PBX3: variants seen among roughly 807,000 people sequenced by gnomAD.
The protein encoded by PBX3 is PBX homeobox 3.
In PBX3, 14 loss-of-function variants were observed where a neutral mutation model predicts 48.5. That is an observed-to-expected ratio of 0.29 (90% CI 0.19 to 0.45). The LOEUF is 0.45. Among genes scored for constraint, PBX3 ranks in the 20% least tolerant of loss-of-function variants. The probability of loss-of-function intolerance (pLI) is 1.00; values close to 1 mark genes in which losing one functional copy is unlikely to be tolerated. For synonymous variants in PBX3, 210 were observed against 200.3 expected (o/e 1.05, Z -0.41); for missense variants, 386 against 546.7 (o/e 0.71, Z 2.93).
chr9:125,960,050 T>C (rs1158513057), intron 5 of PBX3, among the ~76,000 whole-genome samples: 1 of 152,238 alleles, frequency 6.6e-6, no homozygotes, highest in Non-Finnish European at 1.5e-5. Context: ...TTCCACCTGA[T>C]GACATTAGAG....
intron 2 of PBX3, among the ~76,000 whole-genome samples, chr9:125,875,482 T>G (rs1840226968): frequency 6.6e-6 from 1 of 152,182 alleles, no homozygotes; most frequent in Non-Finnish European, 1.5e-5. Flanking sequence ...GTATGTCTTT[T>G]GAAGGCTCAT....
intron 2 of PBX3, among the ~76,000 whole-genome samples, chr9:125,892,908 C>A (rs910809582): frequency 1.3e-5 from 2 of 152,156 alleles, no homozygotes; most frequent in Non-Finnish European, 2.9e-5. Flanking sequence ...TTTGGTTTGG[C>A]TTTAATGTCT....
chr9:125,770,841 T>G (rs764128055), intron 2 of PBX3, among the ~76,000 whole-genome samples: 1 of 152,228 alleles, frequency 6.6e-6, no homozygotes, highest in Non-Finnish European at 1.5e-5. Flanking sequence ...TCTTTCACAG[T>G]TGTGCCAAGA....
chr9:125,933,557 T>C (rs1169423232), intron 4 of PBX3, among the ~76,000 whole-genome samples: 1 of 152,198 alleles, frequency 6.6e-6, no homozygotes, highest in Non-Finnish European at 1.5e-5. Flanking sequence ...TATTCCCATC[T>C]ACCCTGGGCC....
chr9:125,958,884 CCT>C (rs1315502378), intron 5 of PBX3, among the ~76,000 whole-genome samples: 4 of 151,120 alleles, frequency 2.6e-5, no homozygotes, highest in Non-Finnish European at 3.0e-5. Flanking sequence ...TCACTGTCTT[CCT>C]CTCTCTCTCT....
chr9:125,748,206 C>G (rs1749550345), intron 1 of PBX3: 1 of 1,006,620 alleles, frequency 9.9e-7, no homozygotes, highest in African/African-American at 1.7e-5. Context: ...CTCCTCTGCA[C>G]AGGAGCGGAC....
At chr9:125,873,487 A>T (rs1184435174) in intron 2 of PBX3, among the ~76,000 whole-genome samples, 1 of 152,240 alleles carries the variant, frequency 6.6e-6, no homozygotes, top group Non-Finnish European at 1.5e-5. Context: ...AGCATGACAC[A>T]TACCATATTC....
At position 125,759,766 on chromosome 9, in the gene PBX3, C is replaced by T. The variant is rs533501267; in HGVS notation, c.274+11143C>T. On this transcript the variant is annotated intron_variant, in intron 2 of 8. Transcript: ENST00000373489. The surrounding 1 kb of genome is among the most constrained non-coding windows in gnomAD (Gnocchi z 4.2). ...GCAAATGAGCTTTTATGGCAACTGG[C>T]ATAACAATTAGCATCCTCCAGCAAT... is the stretch of plus-strand genomic sequence containing the variant. Among the ~76,000 whole-genome samples the T allele has an allele frequency of 2.2e-4, 34 of 152,324 alleles. No individual in the cohort carries two copies. Among genetic ancestry groups the T allele is most frequent in the Admixed American group, 1.8e-3 (28 of 15,302 alleles).
intron 2 of PBX3, among the ~76,000 whole-genome samples, chr9:125,793,930 A>G (rs1254537189): frequency 6.6e-6 from 1 of 152,216 alleles, no homozygotes; most frequent in Non-Finnish European, 1.5e-5. Context: ...CATTATGAAG[A>G]TTTAAAAACA....
At chr9:125,790,880 T>C (rs531736268) in intron 2 of PBX3, among the ~76,000 whole-genome samples, 1 of 152,116 alleles carries the variant, frequency 6.6e-6, no homozygotes, top group African/African-American at 2.4e-5. Context: ...TTTATAATTA[T>C]TACCACCATT....
chr9:125,865,956 C>T (rs1276926946), intron 2 of PBX3, among the ~76,000 whole-genome samples: 2 of 151,000 alleles, frequency 1.3e-5, no homozygotes. Context: ...CCCTGTTTTT[C>T]CCCCAATTTT....
At chr9:125,849,312 T>C (rs1389747538) in intron 2 of PBX3, among the ~76,000 whole-genome samples, 1 of 151,738 alleles carries the variant, frequency 6.6e-6, no homozygotes, top group Non-Finnish European at 1.5e-5. Context: ...CTATCCTTTA[T>C]GTAGCAGCAT....
At chr9:125,869,636 C>G (rs1465300515) in intron 2 of PBX3, among the ~76,000 whole-genome samples, 1 of 152,070 alleles carries the variant, frequency 6.6e-6, no homozygotes, top group Non-Finnish European at 1.5e-5. Flanking sequence ...GAATTATCAA[C>G]CTAGAATTGT....
intron 3 of PBX3, among the ~76,000 whole-genome samples, chr9:125,926,477 G>A (rs1230277171): frequency 6.6e-6 from 1 of 151,982 alleles, no homozygotes; most frequent in Non-Finnish European, 1.5e-5. Flanking sequence ...CCAAGATCAT[G>A]CCACTGCACT....
At chr9:125,929,250 A>C (rs1841659817) in intron 3 of PBX3, among the ~76,000 whole-genome samples, 1 of 152,226 alleles carries the variant, frequency 6.6e-6, no homozygotes, top group South Asian at 2.1e-4. Context: ...CACTGGCAAG[A>C]GTTTGAACTT....
intron 2 of PBX3, among the ~76,000 whole-genome samples, chr9:125,857,158 G>A (rs886134698): frequency 1.3e-5 from 2 of 152,110 alleles, no homozygotes; most frequent in Non-Finnish European, 2.9e-5. Flanking sequence ...GAAATATATC[G>A]TTGGCACTTA....
At chr9:125,893,207 A>G (rs1840692034) in intron 2 of PBX3, among the ~76,000 whole-genome samples, 1 of 152,226 alleles carries the variant, frequency 6.6e-6, no homozygotes, top group Non-Finnish European at 1.5e-5. Flanking sequence ...AGTGAGAAGC[A>G]AAGAACATTT....
chr9:125,795,294 GTTC>G (rs1235684143), intron 2 of PBX3, among the ~76,000 whole-genome samples: 1 of 152,176 alleles, frequency 6.6e-6, no homozygotes, highest in Non-Finnish European at 1.5e-5. Context: ...TATCCGTGCT[GTTC>G]TTCTGATTTG....
chr9:125,856,615 C>A (rs772387851), intron 2 of PBX3, among the ~76,000 whole-genome samples: 5 of 152,118 alleles, frequency 3.3e-5, no homozygotes, highest in East Asian at 1.9e-4. Flanking sequence ...AACTAAACCC[C>A]GTTTGGCAGT....
Sources: allele counts gnomAD v4.1 joint callset (sites outside exome capture counted in the v4.1 genomes callset), GRCh38; gene constraint gnomAD v4.1.1; non-coding constraint Gnocchi (gnomAD v3.1); transcripts MANE v1.5; gene names NCBI Gene and HGNC (gene_info 2026-07-23, HGNC 2026-07-21).